The following COL5A2 variants were observed in gnomAD, a reference collection of about 807,000 sequenced individuals.
The protein encoded by COL5A2 is collagen type V alpha 2 chain.
COL5A2 carries 23 observed loss-of-function variants against 208.2 expected under a neutral mutation model. The ratio of observed to expected loss-of-function variants is 0.11; its 90% CI spans 0.08 to 0.16. COL5A2 has a LOEUF of 0.16. COL5A2 is among the 10% of genes least tolerant of loss of function. COL5A2 has a pLI of 1.00. For missense variants in COL5A2, 1,590 were observed against 1,956.4 expected (o/e 0.81, Z 3.53); for synonymous variants, 625 against 628.5 (o/e 0.99, Z 0.08).
At chr2:189,187,825 C>G (rs1007473632) in intron 1 of COL5A2, among the ~76,000 whole-genome samples, 29 of 151,972 alleles carry the variant, frequency 1.9e-4, no homozygotes, top group Admixed American at 6.6e-5. Flanking sequence ...AAAAATTAGC[C>G]AGGCGTGGTG....
the COL5A2 span, among the ~76,000 whole-genome samples, chr2:189,293,312 G>A: frequency 6.6e-6 from 1 of 151,998 alleles, no homozygotes; most frequent in Non-Finnish European, 1.5e-5. Flanking sequence ...GACCAGAAAT[G>A]CTTGAGAATT....
intron 25 of COL5A2, 21 bp downstream of exon 25, chr2:189,064,536 A>C: frequency 6.4e-7 from 1 of 1,573,410 alleles, no homozygotes; most frequent in African/African-American, 1.3e-5. Context: ...TTGATGTAGC[A>C]AACACTTGCT....
At chr2:189,362,519 T>C in the COL5A2 span, among the ~76,000 whole-genome samples, 1 of 152,154 alleles carries the variant, frequency 6.6e-6, no homozygotes, top group Non-Finnish European at 1.5e-5. Flanking sequence ...AGAGCACAGC[T>C]GGATGATTAA....
the COL5A2 span, among the ~76,000 whole-genome samples, chr2:189,376,002 A>G: frequency 6.6e-6 from 1 of 152,224 alleles, no homozygotes; most frequent in African/African-American, 2.4e-5. Context: ...TCTGCCATGC[A>G]TGGTGACTTA....
chr2:189,279,732 A>C, the COL5A2 span, among the ~76,000 whole-genome samples: 1 of 152,172 alleles, frequency 6.6e-6, no homozygotes, highest in South Asian at 2.1e-4. Flanking sequence ...AACAGGATGC[A>C]ATGTCTAAAA....
intron 1 of COL5A2, among the ~76,000 whole-genome samples, chr2:189,195,343 C>T (rs1688986308): frequency 6.6e-6 from 1 of 152,060 alleles, no homozygotes; most frequent in South Asian, 2.1e-4. Flanking sequence ...AACATTCCAT[C>T]TTCATGGATA....
the COL5A2 span, among the ~76,000 whole-genome samples, chr2:189,322,210 C>G: frequency 6.6e-6 from 1 of 152,128 alleles, no homozygotes; most frequent in South Asian, 2.1e-4. Context: ...CACTAAATAC[C>G]CACAAGAGAA....
chr2:189,281,328 T>G, the COL5A2 span, among the ~76,000 whole-genome samples: 238 of 152,278 alleles, frequency 1.6e-3, no homozygotes, highest in African/African-American at 5.3e-3. Flanking sequence ...TTAAAGAACT[T>G]GGACTTAATG....
At chr2:189,373,300 TTTAAG>T in the COL5A2 span, among the ~76,000 whole-genome samples, 1 of 152,164 alleles carries the variant, frequency 6.6e-6, no homozygotes, top group African/African-American at 2.4e-5. Flanking sequence ...ACAAGATTCC[TTTAAG>T]TTTAGTTCAG....
intron 1 of COL5A2, among the ~76,000 whole-genome samples, chr2:189,173,481 T>C (rs937786061): frequency 6.6e-6 from 1 of 152,214 alleles, no homozygotes. Flanking sequence ...AAATTTTCCA[T>C]AGGATAGAGT....
At chr2:189,305,588 T>C in the COL5A2 span, among the ~76,000 whole-genome samples, 21 of 152,134 alleles carry the variant, frequency 1.4e-4, no homozygotes, top group African/African-American at 5.1e-4. Context: ...CAAATAAATT[T>C]CTATTGTTTG....
At chr2:189,093,703 T>C (rs953802577) in intron 6 of COL5A2, among the ~76,000 whole-genome samples, 3 of 152,164 alleles carry the variant, frequency 2.0e-5, no homozygotes, top group African/African-American at 7.2e-5. Context: ...TTATTCTCAG[T>C]TTTTAAAAAT....
chr2:189,173,509 C>A (rs13005652), intron 1 of COL5A2, among the ~76,000 whole-genome samples: 88,915 of 151,884 alleles, frequency 0.59, 27,401 homozygotes, highest in East Asian at 0.72. Flanking sequence ...ATGCAAATGC[C>A]AAGAGTAAAT....
the COL5A2 span, among the ~76,000 whole-genome samples, chr2:189,309,608 T>C: frequency 6.6e-6 from 1 of 152,204 alleles, no homozygotes; most frequent in African/African-American, 2.4e-5. Flanking sequence ...TACTTCCTTT[T>C]GTTCCTGCTC....
intron 10 of COL5A2, 122 bp from the exon 11 acceptor site, chr2:189,085,335 T>C: frequency 1.1e-6 from 1 of 936,318 alleles, no homozygotes; most frequent in South Asian, 1.5e-5. Context: ...ATGAAAATGA[T>C]AAATATTGTT....
rs757921082 is a variant in COL5A2, at chr2:189,053,413, G to GA, written c.2553+10dup. 6.2e-7 allele frequency: 1 copy of GA among 1,610,904 alleles called. No homozygotes were observed. The highest frequency in any genetic ancestry group is 2.2e-5 in the East Asian group (1 of 44,790). ...GTTTATTTGTAAATTAGGGATATTTGAAAATTATACCTGGGGTCCGGCAAA... is the reference window on the plus strand; with the variant it reads ...GTTTATTTGTAAATTAGGGATATTTGAAAAATTATACCTGGGGTCCGGCAAA... On this transcript the variant is annotated intron_variant, in intron 38 of 53. Coordinates refer to ENST00000374866, the MANE Select transcript of COL5A2 (RefSeq NM_000393.5).
chr2:189,329,689 T>G, the COL5A2 span, among the ~76,000 whole-genome samples: 1 of 152,182 alleles, frequency 6.6e-6, no homozygotes, highest in Non-Finnish European at 1.5e-5. Flanking sequence ...ATAAAACCTC[T>G]TAAGCTCTCA....
chr2:189,216,473 C>T (rs987162665), intron 1 of COL5A2, among the ~76,000 whole-genome samples: 1 of 151,768 alleles, frequency 6.6e-6, no homozygotes, highest in Non-Finnish European at 1.5e-5. Flanking sequence ...GAGATGCCTG[C>T]TGCCTTGGGA....
chr2:189,194,489 CT>C (rs1238995282), intron 1 of COL5A2, among the ~76,000 whole-genome samples: 1 of 152,174 alleles, frequency 6.6e-6, no homozygotes, highest in Admixed American at 6.5e-5. Context: ...CCAATTAACA[CT>C]GTGCAAGGAC....
Sources: allele counts gnomAD v4.1 joint callset (sites outside exome capture counted in the v4.1 genomes callset), GRCh38; gene constraint gnomAD v4.1.1; transcripts MANE v1.5; gene names NCBI Gene and HGNC (gene_info 2026-07-23, HGNC 2026-07-21).